Variants in CARS2 observed in about 807,000 individuals in gnomAD.
CARS2 encodes cysteinyl-tRNA synthetase 2, mitochondrial.
CARS2 carries 52 observed loss-of-function variants against 68.8 expected under a neutral mutation model. That is an observed-to-expected ratio of 0.76 (90% CI 0.61 to 0.95). CARS2 has a LOEUF of 0.95. CARS2 is among the 40% of genes least tolerant of loss of function. The pLI is 0.00. For synonymous variants in CARS2, 314 were observed against 303.6 expected, an observed-to-expected ratio of 1.03 and a Z score of -0.36; for missense variants, 780 against 754.2, an observed-to-expected ratio of 1.03 and a Z score of -0.40.
chr13:110,712,964 C>T (rs1009272237), intron 1 of CARS2: 14 of 1,559,864 alleles, frequency 9.0e-6, no homozygotes, highest in African/African-American at 1.4e-5. Context: ...AGTGGTGGTC[C>T]GGCCGCGGAA....
At chr13:110,662,062 C>T (rs1409807910) in intron 9 of CARS2, among the ~76,000 whole-genome samples, 1 of 152,216 alleles carries the variant, frequency 6.6e-6, no homozygotes. Context: ...AACAGATTTG[C>T]TTGGTGCAGG....
At chr13:110,652,605 G>T (rs1021864313) in intron 9 of CARS2, among the ~76,000 whole-genome samples, 2 of 152,312 alleles carry the variant, frequency 1.3e-5, no homozygotes, top group African/African-American at 4.8e-5. Flanking sequence ...GATGGAGCAG[G>T]TCTGGTCTGT....
intron 9 of CARS2, among the ~76,000 whole-genome samples, chr13:110,654,534 A>C (rs1419356248): frequency 6.6e-6 from 1 of 152,078 alleles, no homozygotes; most frequent in East Asian, 1.9e-4. Flanking sequence ...ATAAATGAAA[A>C]ATCACCAGTA....
chr13:110,664,440 C>T (rs2062591739), intron 8 of CARS2: 2 of 317,456 alleles, frequency 6.3e-6, no homozygotes, highest in Non-Finnish European at 9.1e-6. Flanking sequence ...TCGCTTGAGC[C>T]CAGGAGGTTG....
chr13:110,694,839 G>A lies in CARS2; in HGVS notation c.393+6599C>T, dbSNP rs115858496. 4.7e-3 allele frequency among the ~76,000 whole-genome samples: 714 copies of A among 152,222 alleles called. 7 individuals are homozygous for A. Among genetic ancestry groups the A allele is most frequent in the African/African-American group, 0.016 (656 of 41,518 alleles). On this transcript the variant is annotated intron_variant, in intron 3 of 14. Transcript: ENST00000257347. The stretch of plus-strand genomic sequence containing the variant: ...AAACAAGTCTTGGAGCAGATGGCAC[G>A]AAAGATATTGTTATCATTTTAAAAG...
At chr13:110,666,168 C>T (rs1468494156) in intron 8 of CARS2, 33 of 985,252 alleles carry the variant, frequency 3.3e-5, no homozygotes, top group Non-Finnish European at 4.0e-5. Flanking sequence ...GTGCTCGGCT[C>T]CCTGAGGGGC....
At chr13:110,690,889 C>T (rs886528915) in intron 3 of CARS2, among the ~76,000 whole-genome samples, 2 of 152,218 alleles carry the variant, frequency 1.3e-5, no homozygotes, top group Non-Finnish European at 2.9e-5. Context: ...AAGCTTTTAC[C>T]TCTTTTGAGT....
chr13:110,705,919 T>C lies in CARS2; in HGVS notation c.175A>G (p.Thr59Ala). ...ETGVQVYNSL[T>A]GRKEPLIVAH... ...ACGATTAGGGGTTCCTTCCTCCCGG[T>C]GAGGCTGTTGTACACCTGCACACCC... Residue 59 changes from threonine to alanine, a missense_variant, in exon 1 of 15, where the codon ACC (threonine) becomes GCC (alanine). By Grantham distance (58) the Thr-to-Ala change is moderately conservative. Coordinates refer to ENST00000257347, the MANE Select transcript of CARS2 (RefSeq NM_024537.4). The surrounding 1 kb of genome is among the most constrained non-coding windows in gnomAD (Gnocchi z 4.0). 6.3e-7 allele frequency: 1 copy of C among 1,574,922 alleles called. No homozygotes were observed. Among genetic ancestry groups the C allele is most frequent in the Non-Finnish European group, 8.6e-7 (1 of 1,162,718 alleles).
At chr13:110,713,239 T>C (rs2064058010) in exon 1 of CARS2, 2 of 1,386,116 alleles carry the variant, frequency 1.4e-6, no homozygotes, top group East Asian at 5.3e-5. Flanking sequence ...CTACTTATAC[T>C]GCTCTGTGGG....
intron 1 of CARS2, chr13:110,712,535 G>GGGA: frequency 3.2e-6 from 1 of 315,046 alleles, no homozygotes; most frequent in Non-Finnish European, 6.2e-6. Context: ...CCGGAAGGGG[G>GGGA]GGGGCCGGCG....
chr13:110,707,331 TACTC>T (rs34034913), upstream of CARS2: 95,599 of 151,648 alleles, frequency 0.63, 31,902 homozygotes, highest in South Asian at 0.77. Flanking sequence ...TTCTGAAAGT[TACTC>T]ACAATAGCTT....
intron 12 of CARS2, chr13:110,644,835 G>T: frequency 4.1e-6 from 1 of 242,186 alleles, no homozygotes; most frequent in Non-Finnish European, 8.3e-6. Context: ...GGGAAATCCT[G>T]GTACGTGGCT....
intron 3 of CARS2, among the ~76,000 whole-genome samples, chr13:110,691,979 G>A (rs1399887538): frequency 7.9e-4 from 63 of 80,022 alleles, no homozygotes; most frequent in African/African-American, 5.1e-4. Context: ...ACCACATAAA[G>A]CTGTGCAGAA....
At chr13:110,675,872 T>C (rs2062934314) in intron 7 of CARS2, among the ~76,000 whole-genome samples, 1 of 152,090 alleles carries the variant, frequency 6.6e-6, no homozygotes, top group Non-Finnish European at 1.5e-5. Flanking sequence ...AAACTAACCG[T>C]GGGCCAGGCG....
chr13:110,710,232 A>G (rs77757977), upstream of CARS2, among the ~76,000 whole-genome samples: 1,597 of 152,194 alleles, frequency 0.01, 25 homozygotes, highest in African/African-American at 0.036. Flanking sequence ...AAATACAAAA[A>G]TTAGTTGGGC....
intron 3 of CARS2, among the ~76,000 whole-genome samples, chr13:110,698,896 C>A (rs1455870897): frequency 6.6e-6 from 1 of 152,068 alleles, no homozygotes; most frequent in Non-Finnish European, 1.5e-5. Flanking sequence ...AGCTGAGTCC[C>A]AGCTACCAGG....
chr13:110,713,105 C>A, intron 1 of CARS2: 1 of 1,438,786 alleles, frequency 7.0e-7, no homozygotes, highest in East Asian at 2.5e-5. Context: ...ACTTGGGTTT[C>A]TAGTAGTAAG....
At chr13:110,649,393 G>C (rs1007680603) in intron 10 of CARS2, 2 of 151,618 alleles carry the variant, frequency 1.3e-5, no homozygotes, top group African/African-American at 4.9e-5. Flanking sequence ...GCAGGTGTCT[G>C]TGTGCCCCTC....
intron 3 of CARS2, among the ~76,000 whole-genome samples, chr13:110,696,619 A>G (rs899735712): frequency 2.6e-5 from 4 of 152,220 alleles, no homozygotes; most frequent in Admixed American, 1.3e-4. Context: ...GAGGAAAGAA[A>G]CTATTCAATA....
Sources: gnomAD v4.1 joint callset for allele counts (sites outside exome capture counted in the v4.1 genomes callset) on GRCh38, gnomAD v4.1.1 for gene constraint, Gnocchi (gnomAD v3.1) non-coding constraint, MANE v1.5 for transcripts, NCBI Gene and HGNC (gene_info 2026-07-23, HGNC 2026-07-21) for gene names.